The following DNER variants were observed in gnomAD, a reference collection of about 807,000 sequenced individuals.
The protein encoded by DNER is delta and Notch-like epidermal growth factor-related receptor.
Under a neutral mutation model 78.2 loss-of-function variants are expected in DNER, and 33 were observed. That is an observed-to-expected ratio of 0.42 (90% CI 0.32 to 0.56). The LOEUF (loss-of-function observed/expected upper bound fraction) is 0.56. DNER is among the 20% of genes least tolerant of loss of function. The probability of loss-of-function intolerance (pLI) is 0.11; values close to 1 mark genes in which losing one functional copy is unlikely to be tolerated. For missense variants in DNER, 918 were observed against 975.3 expected, an observed-to-expected ratio of 0.94 and a Z score of 0.78; for synonymous variants, 417 against 384.8, an observed-to-expected ratio of 1.08 and a Z score of -0.98.
intron 5 of DNER, among the ~76,000 whole-genome samples, chr2:229,541,329 A>G (rs1696508896): frequency 6.6e-6 from 1 of 152,076 alleles, no homozygotes; most frequent in Non-Finnish European, 1.5e-5. Context: ...TTAGAAGAAG[A>G]AGAGAATCTT....
chr2:229,556,940 T>C (rs893852054), intron 4 of DNER, among the ~76,000 whole-genome samples: 1 of 152,196 alleles, frequency 6.6e-6, no homozygotes, highest in African/African-American at 2.4e-5. Flanking sequence ...GCAATTTCAG[T>C]TAGTTGTTTA....
chr2:229,453,920 T>TAAAAAAAAAA (rs10602558), intron 7 of DNER, among the ~76,000 whole-genome samples: 29 of 106,820 alleles, frequency 2.7e-4, no homozygotes, highest in South Asian at 7.8e-4. Flanking sequence ...TAAAATATAT[T>TAAAAAAAAAA]AAAAAAAAAA....
At chr2:229,606,751 G>C (rs1697946066) in intron 1 of DNER, among the ~76,000 whole-genome samples, 1 of 152,090 alleles carries the variant, frequency 6.6e-6, no homozygotes, top group Non-Finnish European at 1.5e-5. Flanking sequence ...AAATTAGCTG[G>C]GCGTGGTGGT....
At chr2:229,498,763 G>A (rs59199836) in intron 6 of DNER, among the ~76,000 whole-genome samples, 8,622 of 152,148 alleles carry the variant, frequency 0.057, 719 homozygotes, top group African/African-American at 0.18. Flanking sequence ...AATTGAAGAA[G>A]ACAAAAATAA....
intron 4 of DNER, among the ~76,000 whole-genome samples, chr2:229,572,217 C>T (rs1697229868): frequency 6.6e-6 from 1 of 152,186 alleles, no homozygotes; most frequent in African/African-American, 2.4e-5. Flanking sequence ...CAAGGCCAAG[C>T]TCAAGATACA....
At chr2:229,489,047 G>C (rs1695338347) in intron 6 of DNER, among the ~76,000 whole-genome samples, 1 of 152,246 alleles carries the variant, frequency 6.6e-6, no homozygotes, top group African/African-American at 2.4e-5. Context: ...GGAAGATTAA[G>C]TAACTTCCCC....
chr2:229,500,315 G>C (rs924746571), intron 6 of DNER, among the ~76,000 whole-genome samples: 6 of 152,200 alleles, frequency 3.9e-5, no homozygotes, highest in African/African-American at 1.4e-4. Context: ...CATCAGGGAA[G>C]TGTCAATTAA....
chr2:229,712,673 T>C (rs1201266663), intron 1 of DNER, among the ~76,000 whole-genome samples: 1 of 152,256 alleles, frequency 6.6e-6, no homozygotes, highest in East Asian at 1.9e-4. Context: ...TTTTGACTTT[T>C]GCAAAAGCAA....
At chr2:229,556,010 T>C (rs1257464850) in intron 4 of DNER, among the ~76,000 whole-genome samples, 1 of 152,240 alleles carries the variant, frequency 6.6e-6, no homozygotes, top group East Asian at 1.9e-4. Context: ...CATCTCTGTC[T>C]ACTTACTAAG....
In DNER at chr2:229,415,501, A is replaced by G. The variant is rs112432367; in HGVS notation, c.1609+2607T>C. ...TTATGCAGCAATAGATAGCTGATAC[A>G]GAAGGCGGATCTACTTTTTTCAAGA... On this transcript the variant is annotated intron_variant, in intron 9 of 12. Transcript: ENST00000341772. Among the ~76,000 whole-genome samples, 629 of 152,328 alleles carry G rather than the reference A, an allele frequency of 4.1e-3. 1 individual carries two copies. The highest frequency in any genetic ancestry group is 0.014 in the African/African-American group (588 of 41,578).
At chr2:229,600,652 C>T (rs995923842) in intron 1 of DNER, among the ~76,000 whole-genome samples, 9 of 152,196 alleles carry the variant, frequency 5.9e-5, no homozygotes, top group African/African-American at 1.7e-4. Flanking sequence ...AAAGAATGCT[C>T]ATCTAGATAG....
At chr2:229,569,929 C>T (rs942102931) in intron 4 of DNER, among the ~76,000 whole-genome samples, 7 of 152,096 alleles carry the variant, frequency 4.6e-5, no homozygotes, top group African/African-American at 1.7e-4. Flanking sequence ...ATCAGATGCA[C>T]AAAATCTAAA....
intron 9 of DNER, among the ~76,000 whole-genome samples, chr2:229,410,121 C>T (rs953002503): frequency 2.0e-5 from 3 of 152,170 alleles, no homozygotes; most frequent in African/African-American, 7.2e-5. Flanking sequence ...CTTCCCCCAA[C>T]CTGATCTTCG....
chr2:229,562,280 A>G (rs907405475), intron 4 of DNER, among the ~76,000 whole-genome samples: 6 of 152,012 alleles, frequency 3.9e-5, no homozygotes, highest in African/African-American at 1.2e-4. Context: ...TAAACACAAA[A>G]TACTAACTCC....
intron 6 of DNER, among the ~76,000 whole-genome samples, chr2:229,498,819 T>C (rs1044653337): frequency 1.3e-5 from 2 of 152,222 alleles, no homozygotes; most frequent in African/African-American, 4.8e-5. Flanking sequence ...TTAATATTGT[T>C]AAAATGTCCA....
At chr2:229,583,954 C>T (rs1697449192) in intron 4 of DNER, among the ~76,000 whole-genome samples, 1 of 152,182 alleles carries the variant, frequency 6.6e-6, no homozygotes, top group African/African-American at 2.4e-5. Context: ...AAAATTCCTG[C>T]TCCCCCAGCT....
rs538086035 is a variant in DNER at position 229,541,870 on chromosome 2, T to C, written c.993+5077A>G. ...TATATATGTGATTATATATAATTTA[T>C]ATTTATATTTATTTATATGTATATA... On this transcript the variant is annotated intron_variant, in intron 5 of 12. Coordinates refer to ENST00000341772, the MANE Select transcript of DNER (RefSeq NM_139072.4). Among the ~76,000 whole-genome samples, 497 of 143,010 alleles carry C rather than the reference T, an allele frequency of 3.5e-3. 5 individuals carry two copies. Among genetic ancestry groups the C allele is most frequent in the African/African-American group, 0.012 (480 of 38,810 alleles). 93.8% of individuals were successfully genotyped at this position (143,010 alleles called of 152,430 possible).
intron 7 of DNER, among the ~76,000 whole-genome samples, chr2:229,476,263 G>A (rs1363312457): frequency 2.0e-5 from 3 of 152,092 alleles, no homozygotes; most frequent in Admixed American, 1.3e-4. Flanking sequence ...AGGTACTGCC[G>A]ATCACATGGG....
chr2:229,479,885 G>C (rs74315837), intron 6 of DNER, among the ~76,000 whole-genome samples: 19,063 of 152,056 alleles, frequency 0.13, 1,336 homozygotes, highest in South Asian at 0.2. Flanking sequence ...TTATGAAAAA[G>C]ATAACCGATT....
Sources: allele counts gnomAD v4.1 joint callset (sites outside exome capture counted in the v4.1 genomes callset), GRCh38; gene constraint gnomAD v4.1.1; transcripts MANE v1.5; gene names NCBI Gene and HGNC (gene_info 2026-07-23, HGNC 2026-07-21).